The following PXT1 variants were observed in gnomAD, a reference collection of about 807,000 sequenced individuals.
PXT1 encodes peroxisomal testis enriched protein 1.
A neutral mutation model predicts 11.0 loss-of-function variants in PXT1; 11 were observed. The ratio of observed to expected loss-of-function variants is 1.00; its 90% confidence interval spans 0.63 to 1.66. The LOEUF is 1.66. PXT1 is among the 40% of genes most tolerant of loss of function. The pLI, the probability that PXT1 is intolerant of heterozygous loss-of-function variation, is 0.00. For synonymous variants in PXT1, 43 were observed against 51.4 expected, an observed-to-expected ratio of 0.84 and a Z score of 0.70; for missense variants, 141 against 155.5, an observed-to-expected ratio of 0.91 and a Z score of 0.49.
In PXT1 at chr6:36,440,115, G is replaced by A. The variant is rs534640015; in HGVS notation, c.-129-1229C>T. Among the ~76,000 whole-genome samples, 4 of 144,494 alleles carry A rather than the reference G, an allele frequency of 2.8e-5. No individual in the cohort carries two copies. The South Asian group carries it at 8.6e-4, about 31-fold the overall frequency. The allele number at this position is 144,494 out of a possible 152,430, so 94.8% of individuals were successfully genotyped here. A position where few individuals can be genotyped will look rare whatever the true frequency, so the allele number is the denominator to read the frequency against. ...TCTGTCTCAGAAAACAAAAGAAAAC[G>A]AACATTTAGCAAATTTAATTATTCG... is the stretch of plus-strand genomic sequence containing the variant. On this transcript the variant is annotated intron_variant, in intron 1 of 4. Coordinates refer to ENST00000454782, the MANE Select transcript of PXT1 (RefSeq NM_152990.4).
chr6:36,414,423 T>A (rs568293623), intron 3 of PXT1, among the ~76,000 whole-genome samples: 2 of 152,230 alleles, frequency 1.3e-5, no homozygotes, highest in Non-Finnish European at 2.9e-5. Flanking sequence ...CAATAAAAGA[T>A]CATATAGGAA....
intron 3 of PXT1, among the ~76,000 whole-genome samples, chr6:36,419,455 T>C (rs886737996): frequency 1.1e-4 from 16 of 151,986 alleles, no homozygotes; most frequent in African/African-American, 3.9e-4. Flanking sequence ...ATCAGGGCAG[T>C]TAGGTAGGCA....
intron 1 of PXT1, among the ~76,000 whole-genome samples, chr6:36,441,766 A>G (rs1015845958): frequency 1.3e-5 from 2 of 152,224 alleles, no homozygotes; most frequent in Admixed American, 6.5e-5. Flanking sequence ...CTAAGACCAA[A>G]TTATAATGAA....
rs761511949 is a variant in PXT1 at position 36,400,453 on chromosome 6, C to T, written c.300+1G>A. On this transcript the variant is annotated splice_donor_variant, in intron 4 of 4. Transcript: ENST00000454782. LOFTEE classifies it high-confidence loss of function. The stretch of plus-strand genomic sequence containing the variant: ...CCTGGCTGGGGAAACTGAAGCCTCA[C>T]CTCTCGAACCATCCTATGATCAATG... The T allele has an allele frequency of 7.4e-6, 12 of 1,613,434 alleles. No individual in the cohort carries two copies. The South Asian group carries it at 9.9e-5, about 13-fold the overall frequency.
At chr6:36,435,579 C>A (rs1304262769) in intron 2 of PXT1, among the ~76,000 whole-genome samples, 1 of 151,894 alleles carries the variant, frequency 6.6e-6, no homozygotes, top group Non-Finnish European at 1.5e-5. Flanking sequence ...AGAAAAGAAA[C>A]AAACAAATGC....
chr6:36,435,868 C>T (rs371068772), intron 2 of PXT1, among the ~76,000 whole-genome samples: 120 of 152,146 alleles, frequency 7.9e-4, no homozygotes, highest in Middle Eastern at 6.8e-3. Context: ...ACAAGTAAGA[C>T]TAGAATAAAC....
At chr6:36,420,928 G>A (rs1286372966) in intron 3 of PXT1, among the ~76,000 whole-genome samples, 6 of 151,934 alleles carry the variant, frequency 3.9e-5, no homozygotes, top group Admixed American at 2.0e-4. Context: ...GGTGGTGTGC[G>A]CCTGTAATCC....
chr6:36,418,535 C>T (rs1339759891), intron 3 of PXT1, among the ~76,000 whole-genome samples: 9 of 152,154 alleles, frequency 5.9e-5, no homozygotes, highest in Non-Finnish European at 1.2e-4. Context: ...TTCCATGAAC[C>T]TGAGTTGCTT....
At chr6:36,395,597 G>A (rs535517421) in intron 4 of PXT1, among the ~76,000 whole-genome samples, 19 of 141,758 alleles carry the variant, frequency 1.3e-4, no homozygotes, top group Non-Finnish European at 2.3e-4. Flanking sequence ...TGACTTCCCA[G>A]GTTCAAGCGA....
At chr6:36,435,001 AACTC>A (rs1385802515) in intron 2 of PXT1, among the ~76,000 whole-genome samples, 1 of 152,236 alleles carries the variant, frequency 6.6e-6, no homozygotes, top group African/African-American at 2.4e-5. Flanking sequence ...GGTAATGAAA[AACTC>A]AATTGTCACA....
At position 36,400,458 on chromosome 6, in the gene PXT1, C is replaced by T. The variant is rs767134481; in HGVS notation, c.296G>A (p.Arg99Gln). ...CTGGGGAAACTGAAGCCTCACCTCT[C>T]GAACCATCCTATGATCAATGTTGTC... ...IGDNIDHRMV[R>Q]EDLQQDGRDA... The change falls in exon 4 of 5, where the codon CGA (arginine) becomes CAA (glutamine). Residue 99 changes from arginine to glutamine, a missense_variant. Transcript: ENST00000454782. 4 of 1,613,478 alleles carry T rather than the reference C, an allele frequency of 2.5e-6. No individual in the cohort carries two copies. The highest frequency in any genetic ancestry group is 4.5e-5 in the East Asian group (2 of 44,860).
chr6:36,439,834 C>G (rs569760377), intron 1 of PXT1, among the ~76,000 whole-genome samples: 4 of 152,112 alleles, frequency 2.6e-5, no homozygotes, highest in Non-Finnish European at 5.9e-5. Context: ...CAGCCTCCGC[C>G]GAAACCCAGC....
rs1004786648 is a variant in PXT1, at chr6:36,414,098, T to C, written c.169+11816A>G. Among the ~76,000 whole-genome samples, 30 of 152,210 alleles carry C rather than the reference T, an allele frequency of 2.0e-4. 1 individual carries two copies. Among genetic ancestry groups the C allele is most frequent in the Admixed American group, 2.0e-3 (30 of 15,272 alleles). On this transcript the variant is annotated intron_variant, in intron 3 of 4. Coordinates refer to ENST00000454782, the MANE Select transcript of PXT1 (RefSeq NM_152990.4). ...AATTTTTCTTCCATACACCATTTGT[T>C]AGGAAGCCTCTTGAGGAAGTATTCC...
chr6:36,439,571 C>T (rs984323172), intron 1 of PXT1, among the ~76,000 whole-genome samples: 1 of 150,278 alleles, frequency 6.7e-6, no homozygotes, highest in African/African-American at 2.5e-5. Flanking sequence ...AGAGATCACG[C>T]CATTGCACTC....
At chr6:36,440,857 G>A (rs1407491646) in intron 1 of PXT1, among the ~76,000 whole-genome samples, 2 of 151,984 alleles carry the variant, frequency 1.3e-5, no homozygotes, top group South Asian at 2.1e-4. Context: ...GATGGATAAC[G>A]GGTGTTTATT....
chr6:36,427,734 A>G (rs935568147), intron 2 of PXT1, among the ~76,000 whole-genome samples: 1 of 150,960 alleles, frequency 6.6e-6, no homozygotes, highest in African/African-American at 2.5e-5. Context: ...AAAATCTGGT[A>G]TGCATTTTGC....
At chr6:36,392,218 C>T (rs530580369) in intron 4 of PXT1, among the ~76,000 whole-genome samples, 2 of 152,298 alleles carry the variant, frequency 1.3e-5, no homozygotes, top group Admixed American at 6.5e-5. Context: ...TTTGTGCAGA[C>T]AGGGTCTCAC....
intron 2 of PXT1, among the ~76,000 whole-genome samples, chr6:36,435,400 A>AT (rs1008296953): frequency 1.1e-4 from 16 of 144,332 alleles, no homozygotes; most frequent in East Asian, 3.9e-4. Context: ...CTCTACAAAA[A>AT]TTTTTTTTTT....
intron 3 of PXT1, among the ~76,000 whole-genome samples, chr6:36,410,684 T>C (rs1435138756): frequency 2.6e-5 from 4 of 152,150 alleles, no homozygotes; most frequent in African/African-American, 7.2e-5. Flanking sequence ...TCAAACCCTG[T>C]GGTGAAAGCA....
Sources: allele counts gnomAD v4.1 joint callset (sites outside exome capture counted in the v4.1 genomes callset), GRCh38; gene constraint gnomAD v4.1.1; transcripts MANE v1.5; gene names NCBI Gene and HGNC (gene_info 2026-07-23, HGNC 2026-07-21).